GARNL3: variants seen among roughly 807,000 people sequenced by gnomAD.
The protein encoded by GARNL3 is GTPase-activating Rap/Ran-GAP domain-like protein 3.
A neutral mutation model predicts 125.0 loss-of-function variants in GARNL3; 63 were observed. That is an observed-to-expected ratio of 0.50 (90% CI 0.41 to 0.62). GARNL3 has a LOEUF of 0.62. Ranked by LOEUF, GARNL3 falls within the 20% of genes least tolerant of loss-of-function variation. The pLI, the probability that GARNL3 is intolerant of heterozygous loss-of-function variation, is 0.00. For synonymous variants in GARNL3, 439 were observed against 457.5 expected (o/e 0.96, Z 0.52); for missense variants, 994 against 1,244.0 (o/e 0.80, Z 3.02).
intron 1 of GARNL3, among the ~76,000 whole-genome samples, chr9:127,229,810 T>C (rs189391613): frequency 6.6e-6 from 1 of 152,364 alleles, no homozygotes; most frequent in East Asian, 1.9e-4. Context: ...AAATGACTCA[T>C]GTTTAGGGCT....
At position 127,264,974 on chromosome 9, in the gene GARNL3, T is replaced by G; in HGVS notation, c.97T>G (p.Cys33Gly). The G allele has an allele frequency of 6.2e-7, 1 of 1,613,300 alleles. No homozygotes were observed. The highest frequency in any genetic ancestry group is 8.5e-7 in the Non-Finnish European group (1 of 1,179,558). ...CSSSVSEDLGCRRGDFSRKHY... is the reference protein window; with the variant it reads ...CSSSVSEDLGGRRGDFSRKHY... ...CAGCTCTGTCTCGGAAGACCTAGGC[T>G]GTAGACGTGGGGATTTCAGTAGGAA... Residue 33 changes from cysteine to glycine, a missense_variant, in exon 1 of 28, where the codon TGT becomes GGT. Physicochemically the swap from Cys to Gly is radical, Grantham distance 159. Around this residue, in one of 5 missense-constraint regions of GARNL3, gnomAD observed 139 missense variants for 231.6 expected, o/e 0.60. Coordinates refer to ENST00000373387, the MANE Select transcript of GARNL3 (RefSeq NM_032293.5).
chr9:127,353,888 T>G lies in GARNL3; in HGVS notation c.1586T>G (p.Val529Gly). The G allele has an allele frequency of 6.2e-7, 1 of 1,614,000 alleles. No homozygotes were observed. Among genetic ancestry groups the G allele is most frequent in the Non-Finnish European group, 8.5e-7 (1 of 1,179,890 alleles). Residue 529 changes from valine (V) to glycine (G), a missense_variant, in exon 18 of 28, where the codon GTG (valine) becomes GGG (glycine). Physicochemically the swap from Val to Gly is moderately radical, Grantham distance 109. Transcript: ENST00000373387. Reference protein sequence around the residue: ...SVPVFDRTLPVKQMHVLETLD... With the variant: ...SVPVFDRTLPGKQMHVLETLD... Reference sequence around the variant, plus strand: ...CCCGTGTTTGACAGAACTCTGCCAGTGAAGCAAATGCATGTGCTTGAGACC... The same window carrying G: ...CCCGTGTTTGACAGAACTCTGCCAGGGAAGCAAATGCATGTGCTTGAGACC...
chr9:127,224,968 C>G (rs1588643111), intron 1 of GARNL3, among the ~76,000 whole-genome samples: 1 of 29,334 alleles, frequency 3.4e-5, no homozygotes, highest in Admixed American at 4.4e-4. Flanking sequence ...GCTGAGGGCG[C>G]GGGGGAAGCA....
chr9:127,386,952 T>C (rs1178759995), intron 24 of GARNL3, among the ~76,000 whole-genome samples: 4 of 152,246 alleles, frequency 2.6e-5, no homozygotes, highest in Admixed American at 1.3e-4. Flanking sequence ...TGTTTTCTAT[T>C]GTGGATCAAC....
At chr9:127,359,211 C>T (rs1015374880) in intron 21 of GARNL3, among the ~76,000 whole-genome samples, 8 of 152,170 alleles carry the variant, frequency 5.3e-5, no homozygotes, top group Admixed American at 1.3e-4. Flanking sequence ...CCCTCTTGGC[C>T]GGGCACAGTG....
chr9:127,226,088 A>T (rs1288650405), intron 1 of GARNL3, among the ~76,000 whole-genome samples: 2 of 152,020 alleles, frequency 1.3e-5, no homozygotes, highest in African/African-American at 2.4e-5. Context: ...CTCTGTTCTG[A>T]CACCTCTGAA....
At position 127,249,830 on chromosome 9, in the gene GARNL3, A is replaced by C. The variant is rs2063368398; in HGVS notation, c.143+6581A>C. Among the ~76,000 whole-genome samples, 4 of 152,120 alleles carry C rather than the reference A, an allele frequency of 2.6e-5. 1 individual carries two copies. The South Asian group carries it at 8.3e-4, about 31-fold the overall frequency. On this transcript the variant is annotated intron_variant, in intron 2 of 10. Coordinates refer to the GARNL3 transcript ENST00000439286. Reference sequence around the variant, plus strand: ...TGAGACCAGCCTGGCCAACATGGTGAAACCCCGTCTCTACTAAAAATACAA... The same window carrying C: ...TGAGACCAGCCTGGCCAACATGGTGCAACCCCGTCTCTACTAAAAATACAA...
chr9:127,383,677 C>A, intron 23 of GARNL3, 132 bp downstream of exon 23: 1 of 557,400 alleles, frequency 1.8e-6, no homozygotes, highest in Non-Finnish European at 3.2e-6. Flanking sequence ...GATGAATATT[C>A]ACAGCGTTCT....
chr9:127,263,031 C>T (rs2063624705), upstream of GARNL3, among the ~76,000 whole-genome samples: 1 of 152,214 alleles, frequency 6.6e-6, no homozygotes, highest in African/African-American at 2.4e-5. Context: ...TATTAGCAAG[C>T]ATCCCTCTGC....
chr9:127,299,307 CAA>C (rs774997294), intron 2 of GARNL3, among the ~76,000 whole-genome samples: 82 of 22,564 alleles, frequency 3.6e-3, no homozygotes, highest in African/African-American at 0.022. Context: ...GACTCCGTCT[CAA>C]AAAAAAAAAA....
At chr9:127,276,827 T>G (rs757203569) in intron 1 of GARNL3, among the ~76,000 whole-genome samples, 2 of 152,260 alleles carry the variant, frequency 1.3e-5, no homozygotes, top group Non-Finnish European at 1.5e-5. Context: ...CATATCACTG[T>G]GTACAGCCAG....
chr9:127,265,791 A>G (rs911557811), intron 1 of GARNL3, among the ~76,000 whole-genome samples: 17 of 152,186 alleles, frequency 1.1e-4, no homozygotes, highest in African/African-American at 4.1e-4. Flanking sequence ...AGTTGCTTGT[A>G]TCTATTTGTG....
At position 127,355,487 on chromosome 9, in the gene GARNL3, T is replaced by G; in HGVS notation, c.1935+15T>G. ...AGTACATCAGGGTAGGTTTGCTCTT[T>G]AAATCATTTATCTCCCAACCAAGTT... On this transcript the variant is annotated intron_variant, in intron 20 of 27. Coordinates refer to ENST00000373387, the MANE Select transcript of GARNL3 (RefSeq NM_032293.5). 1.2e-6 allele frequency: 2 copies of G among 1,611,922 alleles called. No individual in the cohort carries two copies. The highest frequency in any genetic ancestry group is 1.7e-6 in the Non-Finnish European group (2 of 1,178,000).
rs567389665 is a variant in GARNL3 at position 127,308,372 on chromosome 9, T to G, written c.220-3264T>G. 1.5e-3 allele frequency among the ~76,000 whole-genome samples: 223 copies of G among 152,272 alleles called. 1 individual carries two copies. Among genetic ancestry groups the G allele is most frequent in the African/African-American group, 5.3e-3 (220 of 41,546 alleles). On this transcript the variant is annotated intron_variant, in intron 2 of 27. Coordinates refer to ENST00000373387, the MANE Select transcript of GARNL3 (RefSeq NM_032293.5). ...AAATCAGACACAAAGAAGGGAACTATAGACACTGGGGCCTACTTGGGGGTG... is the reference window on the plus strand; with the variant it reads ...AAATCAGACACAAAGAAGGGAACTAGAGACACTGGGGCCTACTTGGGGGTG...
At position 127,313,470 on chromosome 9, in the gene GARNL3, G is replaced by A. The variant is rs1449506071; in HGVS notation, c.349G>A (p.Glu117Lys). The A allele has an allele frequency of 1.9e-6, 3 of 1,613,696 alleles. No individual in the cohort carries two copies. The highest frequency in any genetic ancestry group is 1.7e-6 in the Non-Finnish European group (2 of 1,179,612). The change falls in exon 4 of 28, where the codon GAG becomes AAG. Residue 117 changes from glutamate to lysine, a missense_variant. Transcript: ENST00000373387. ...VHQNYIGNDA[E>K]KSPFFLSVTL... ...TCAGAACTACATTGGAAACGATGCC[G>A]AGAAGAGCCCTTTCTTCTTGTCCGT...
chr9:127,304,443 C>T (rs887714616), intron 2 of GARNL3, among the ~76,000 whole-genome samples: 3 of 151,832 alleles, frequency 2.0e-5, no homozygotes, highest in Admixed American at 6.6e-5. Context: ...AACACACATA[C>T]GTCTGTGTCA....
chr9:127,231,050 A>ATATATATATTT (rs1161629810), intron 1 of GARNL3, among the ~76,000 whole-genome samples: 12 of 89,550 alleles, frequency 1.3e-4, no homozygotes, highest in African/African-American at 8.7e-4. Flanking sequence ...ATATATATAT[A>ATATATATATTT]TTTTTTTTTT....
chr9:127,373,282 A>G (rs1371664845), intron 22 of GARNL3, among the ~76,000 whole-genome samples: 2 of 152,252 alleles, frequency 1.3e-5, no homozygotes, highest in African/African-American at 2.4e-5. Flanking sequence ...TACAGGCATC[A>G]GAGTGGGTGT....
At chr9:127,380,892 A>AT (rs1281120663) in intron 22 of GARNL3, among the ~76,000 whole-genome samples, 2 of 152,066 alleles carry the variant, frequency 1.3e-5, no homozygotes, top group Admixed American at 6.6e-5. Context: ...ATTTTATTTT[A>AT]TTTTTTTGAG....
Sources: allele counts gnomAD v4.1 joint callset (sites outside exome capture counted in the v4.1 genomes callset), GRCh38; gene constraint gnomAD v4.1.1; regional missense constraint gnomAD v4.1.1; transcripts MANE v1.5; gene names NCBI Gene and HGNC (gene_info 2026-07-23, HGNC 2026-07-21).